MCHR2: variants seen among roughly 807,000 people sequenced by gnomAD.
The protein encoded by MCHR2 is melanin concentrating hormone receptor 2.
MCHR2 carries 15 observed loss-of-function variants against 24.8 expected under a neutral mutation model. That is an observed-to-expected ratio of 0.60 (90% CI 0.40 to 0.93). The LOEUF is 0.93. Among genes scored for constraint, MCHR2 ranks in the 40% least tolerant of loss-of-function variants. MCHR2 has a pLI of 0.00. For synonymous variants in MCHR2, 151 were observed against 147.6 expected (o/e 1.02, Z -0.17); for missense variants, 386 against 408.7 (o/e 0.94, Z 0.48).
intron 5 of MCHR2, among the ~76,000 whole-genome samples, chr6:99,929,805 G>C (rs1774470078): frequency 6.6e-6 from 1 of 150,708 alleles, no homozygotes; most frequent in Admixed American, 6.7e-5. Context: ...TTGCCAGTCT[G>C]TGTCTTTTAA....
chr6:99,933,121 C>T (rs896262932), intron 5 of MCHR2, among the ~76,000 whole-genome samples: 12 of 152,002 alleles, frequency 7.9e-5, no homozygotes, highest in African/African-American at 1.2e-4. Flanking sequence ...ATGGAAATTT[C>T]CCTGGGACAT....
chr6:99,926,235 TG>T (rs1330907621), intron 5 of MCHR2, among the ~76,000 whole-genome samples: 1 of 152,212 alleles, frequency 6.6e-6, no homozygotes, highest in Admixed American at 6.5e-5. Context: ...AGTCTATCAT[TG>T]TTGGACATTT....
At chr6:99,922,769 T>C (rs1774265648) in intron 5 of MCHR2, among the ~76,000 whole-genome samples, 1 of 152,214 alleles carries the variant, frequency 6.6e-6, no homozygotes, top group African/African-American at 2.4e-5. Context: ...ATTATGCCAG[T>C]ACCAGGCTGT....
chr6:99,952,831 AGTT>A (rs1358315310), intron 2 of MCHR2, among the ~76,000 whole-genome samples: 1 of 152,188 alleles, frequency 6.6e-6, no homozygotes, highest in Non-Finnish European at 1.5e-5. Flanking sequence ...TTTAATTAAA[AGTT>A]GTTCCTGATA....
intron 1 of MCHR2, among the ~76,000 whole-genome samples, chr6:99,959,385 T>C (rs1775134456): frequency 6.6e-6 from 1 of 151,874 alleles, no homozygotes; most frequent in African/African-American, 2.4e-5. Context: ...GTGAAGATGT[T>C]TCCCTGTCTG....
chr6:99,928,201 T>C (rs534660673), intron 5 of MCHR2, among the ~76,000 whole-genome samples: 5 of 152,354 alleles, frequency 3.3e-5, no homozygotes, highest in African/African-American at 1.2e-4. Context: ...TTGATCATGG[T>C]GGATAAGCTT....
At chr6:99,934,294 C>T (rs1487022715) in intron 5 of MCHR2, 104 bp downstream of exon 5, 17 of 1,202,918 alleles carry the variant, frequency 1.4e-5, no homozygotes, top group Middle Eastern at 2.7e-4. Context: ...GTCCACATGT[C>T]TAAATGTGGT....
rs115025631 is a variant in MCHR2, at chr6:99,924,297, T to C, written c.708-3042A>G. On this transcript the variant is annotated intron_variant, in intron 5 of 5. Coordinates refer to ENST00000281806, the MANE Select transcript of MCHR2 (RefSeq NM_001040179.2). ...AATTTATTTATTTAGATCTTCTGTC[T>C]TTTTCTCAGTTAGTCTGGCTAAAAG... 8.0e-3 allele frequency among the ~76,000 whole-genome samples: 1,222 copies of C among 152,202 alleles called. 14 individuals are homozygous for C. The highest frequency in any genetic ancestry group is 0.028 in the African/African-American group (1,152 of 41,570).
chr6:99,921,525 G>T (rs1372775919), intron 5 of MCHR2, among the ~76,000 whole-genome samples: 3 of 151,974 alleles, frequency 2.0e-5, no homozygotes, highest in African/African-American at 7.3e-5. Flanking sequence ...TATTTATGGG[G>T]TAAATGAGAT....
intron 1 of MCHR2, among the ~76,000 whole-genome samples, chr6:99,964,181 A>T (rs1775249657): frequency 6.6e-6 from 1 of 152,150 alleles, no homozygotes; most frequent in Admixed American, 6.6e-5. Flanking sequence ...ATAAATGGAT[A>T]TATCACTCTG....
chr6:99,983,768 C>T (rs7749425), intron 1 of MCHR2, among the ~76,000 whole-genome samples: 54,103 of 152,026 alleles, frequency 0.36, 10,123 homozygotes, highest in Non-Finnish European at 0.38. Context: ...ACCAGATACA[C>T]CTTCGCCTAT....
chr6:99,951,105 C>T (rs1774956018), intron 2 of MCHR2, among the ~76,000 whole-genome samples: 1 of 152,124 alleles, frequency 6.6e-6, no homozygotes, highest in Non-Finnish European at 1.5e-5. Flanking sequence ...CCTCTTTCTC[C>T]CTTTTCCCTC....
intron 1 of MCHR2, among the ~76,000 whole-genome samples, chr6:99,970,687 G>A (rs2114567358): frequency 6.6e-6 from 1 of 152,170 alleles, no homozygotes; most frequent in Non-Finnish European, 1.5e-5. Context: ...GGGTTTTTAT[G>A]GTTTTAGGTC....
chr6:99,972,469 T>A (rs1233838200), intron 1 of MCHR2, among the ~76,000 whole-genome samples: 2 of 152,168 alleles, frequency 1.3e-5, no homozygotes, highest in Non-Finnish European at 2.9e-5. Flanking sequence ...TTTATTAGTC[T>A]TGCTAGCAGT....
rs1000277227 is a variant in MCHR2, at chr6:99,920,535, C to G, written c.*405G>C. ...AAAAATAGCCAAATTTTAGACTTCACTCTAAGGTGATACCCTCCTAGGAAC... is the reference window on the plus strand; with the variant it reads ...AAAAATAGCCAAATTTTAGACTTCAGTCTAAGGTGATACCCTCCTAGGAAC... On this transcript the variant is annotated 3_prime_UTR_variant, in exon 6 of 6. Coordinates refer to ENST00000281806, the MANE Select transcript of MCHR2 (RefSeq NM_001040179.2). The G allele has an allele frequency of 3.9e-5, 7 of 178,628 alleles. No homozygotes were observed. 11.1% of individuals were successfully genotyped at this position (178,628 alleles called of 1,614,324 possible). A position where few individuals can be genotyped will look rare whatever the true frequency, so the allele number is the denominator to read the frequency against.
Position 99,992,400 on chromosome 6 carries a change from A to AC in MCHR2, c.-28+1535_-28+1536insG, listed in dbSNP as rs372742106. ...AGCCCACAACTTGGGTTAAATCTAC[A>AC]GGCTTGCCTCTCAAAATAGACACTG... On this transcript the variant is annotated intron_variant, in intron 1 of 5. Transcript: ENST00000281806. Among the ~76,000 whole-genome samples the AC allele has an allele frequency of 3.8e-3, 578 of 152,348 alleles. 5 individuals carry two copies. Among genetic ancestry groups the AC allele is most frequent in the South Asian group, 0.014 (70 of 4,832 alleles).
intron 5 of MCHR2, among the ~76,000 whole-genome samples, chr6:99,928,876 C>T (rs921117970): frequency 1.3e-5 from 2 of 152,130 alleles, no homozygotes; most frequent in African/African-American, 4.8e-5. Flanking sequence ...TTGCCTTCTG[C>T]TAGCTTTTGA....
At chr6:99,921,557 G>A (rs1024919240) in intron 5 of MCHR2, among the ~76,000 whole-genome samples, 3 of 152,124 alleles carry the variant, frequency 2.0e-5, no homozygotes, top group African/African-American at 7.2e-5. Context: ...GGCATGCAAT[G>A]TGTAATAATC....
chr6:99,943,564 CTA>C (rs1295832837), intron 3 of MCHR2, among the ~76,000 whole-genome samples: 1 of 151,426 alleles, frequency 6.6e-6, no homozygotes, highest in Non-Finnish European at 1.5e-5. Flanking sequence ...CAATTCCCAT[CTA>C]TAAGTGAGAA....
Sources: allele counts gnomAD v4.1 joint callset (sites outside exome capture counted in the v4.1 genomes callset), GRCh38; gene constraint gnomAD v4.1.1; transcripts MANE v1.5; gene names NCBI Gene and HGNC (gene_info 2026-07-23, HGNC 2026-07-21).